HSD17B4: variants seen among roughly 807,000 people sequenced by gnomAD.
HSD17B4 encodes peroxisomal multifunctional enzyme type 2.
Under a neutral mutation model 101.0 loss-of-function variants are expected in HSD17B4, and 70 were observed. The observed-to-expected ratio is 0.69, with a 90% confidence interval of 0.57 to 0.85. The LOEUF is 0.85. Among genes scored for constraint, HSD17B4 ranks in the 40% least tolerant of loss-of-function variants. The pLI, the probability that HSD17B4 is intolerant of heterozygous loss-of-function variation, is 0.00. For synonymous variants in HSD17B4, 347 were observed against 297.1 expected, an observed-to-expected ratio of 1.17 and a Z score of -1.73; for missense variants, 984 against 892.4, an observed-to-expected ratio of 1.10 and a Z score of -1.31.
At chr5:119,521,984 T>A (rs1753154711) in intron 17 of HSD17B4, among the ~76,000 whole-genome samples, 1 of 151,852 alleles carries the variant, frequency 6.6e-6, no homozygotes, top group Non-Finnish European at 1.5e-5. Flanking sequence ...ATGTGCACAA[T>A]GTGCAGGTTT....
chr5:119,520,898 CTTTT>C (rs1008523400), intron 17 of HSD17B4, among the ~76,000 whole-genome samples: 9 of 152,194 alleles, frequency 5.9e-5, no homozygotes, highest in African/African-American at 2.2e-4. Flanking sequence ...GGTTATTTTA[CTTTT>C]TCCCCTCTTA....
At chr5:119,490,717 C>T (rs1038776368) in intron 9 of HSD17B4, among the ~76,000 whole-genome samples, 6 of 152,008 alleles carry the variant, frequency 3.9e-5, no homozygotes, top group Admixed American at 1.3e-4. Flanking sequence ...TACAGGCACC[C>T]ACCACCAAAC....
Position 119,487,541 on chromosome 5 carries a change from G to C in HSD17B4, c.623-1651G>C, listed in dbSNP as rs575895802. On this transcript the variant is annotated intron_variant, in intron 8 of 23. Coordinates refer to ENST00000510025, the MANE Select transcript of HSD17B4 (RefSeq NM_000414.4). ...TTAATAGATGCTGGCTAACCTAGGAGTTTGAGAATGAACTGGAAAGCAAGA... is the reference window on the plus strand; with the variant it reads ...TTAATAGATGCTGGCTAACCTAGGACTTTGAGAATGAACTGGAAAGCAAGA... The C allele has an allele frequency of 6.6e-5, 10 of 152,112 alleles. 1 individual carries two copies. Among genetic ancestry groups the C allele is most frequent in the Admixed American group, 6.5e-4 (10 of 15,270 alleles). 9.4% of individuals were successfully genotyped at this position (152,112 alleles called of 1,614,324 possible).
At chr5:119,498,711 A>G (rs940263287) in intron 12 of HSD17B4, among the ~76,000 whole-genome samples, 3 of 152,110 alleles carry the variant, frequency 2.0e-5, no homozygotes, top group African/African-American at 4.8e-5. Flanking sequence ...CCCTGTCTCT[A>G]CTGAAAATAT....
At chr5:119,529,824 A>G in intron 20 of HSD17B4, 70 bp from the exon 21 acceptor site, 1 of 891,410 alleles carries the variant, frequency 1.1e-6, no homozygotes, top group Admixed American at 1.7e-5. Context: ...TAAACTTTGT[A>G]CTGTTTCACA....
At chr5:119,509,092 T>G (rs867832148) in intron 15 of HSD17B4, 49 bp from the exon 16 acceptor site, 9 of 994,516 alleles carry the variant, frequency 9.0e-6, no homozygotes, top group Middle Eastern at 2.8e-4. Context: ...TAACTAGTTA[T>G]GCCTTTTGGT....
intron 19 of HSD17B4, 61 bp downstream of exon 19, chr5:119,526,084 AAG>A: frequency 1.0e-6 from 1 of 956,586 alleles, no homozygotes; most frequent in Non-Finnish European, 1.7e-6. Flanking sequence ...TAGAGAAGAA[AAG>A]GGGTTTTAGT....
intron 22 of HSD17B4, among the ~76,000 whole-genome samples, chr5:119,533,289 C>CCTTTT (rs1554069199): frequency 3.4e-5 from 5 of 147,672 alleles, no homozygotes; most frequent in East Asian, 4.0e-4. Flanking sequence ...GACAGGATGC[C>CCTTTT]TTTTTTTTTT....
chr5:119,538,745 A>C (rs1388341030), intron 23 of HSD17B4, among the ~76,000 whole-genome samples: 2 of 151,826 alleles, frequency 1.3e-5, no homozygotes, highest in Admixed American at 6.6e-5. Flanking sequence ...ATGTCTATGC[A>C]TTTGCCTTTT....
At chr5:119,460,834 A>G (rs1344518468) in intron 2 of HSD17B4, among the ~76,000 whole-genome samples, 2 of 132,056 alleles carry the variant, frequency 1.5e-5, no homozygotes, top group Non-Finnish European at 3.4e-5. Flanking sequence ...GGAACAGAAA[A>G]TGCTTTAAGG....
chr5:119,461,523 G>C (rs1016520990), intron 2 of HSD17B4, among the ~76,000 whole-genome samples: 2 of 152,110 alleles, frequency 1.3e-5, no homozygotes, highest in Admixed American at 1.3e-4. Flanking sequence ...TTGGTACCTT[G>C]TACTTAGTTA....
At chr5:119,495,072 C>T (rs183508707) in intron 11 of HSD17B4, among the ~76,000 whole-genome samples, 1 of 151,510 alleles carries the variant, frequency 6.6e-6, no homozygotes, top group East Asian at 1.9e-4. Flanking sequence ...ACTTTCCTAC[C>T]TACTGGAATA....
At chr5:119,477,701 T>C in intron 7 of HSD17B4, 200 bp downstream of exon 7, 1 of 566,526 alleles carries the variant, frequency 1.8e-6, no homozygotes, top group Non-Finnish European at 3.2e-6. Context: ...TGGAAAGCTT[T>C]ATATTTATTT....
intron 9 of HSD17B4, 65 bp from the exon 10 acceptor site, chr5:119,492,035 A>G (rs1385263743): frequency 1.3e-5 from 18 of 1,352,346 alleles, no homozygotes; most frequent in Non-Finnish European, 1.9e-5. Flanking sequence ...CTTTTTTCTA[A>G]TTAAAACAAT....
chr5:119,480,311 C>T (rs928592185), intron 8 of HSD17B4, among the ~76,000 whole-genome samples: 6 of 151,850 alleles, frequency 4.0e-5, no homozygotes, highest in Admixed American at 2.0e-4. Flanking sequence ...CCGATAATTA[C>T]GTAGGTTCTT....
At chr5:119,492,044 A>G in intron 9 of HSD17B4, 56 bp from the exon 10 acceptor site, 1 of 1,410,948 alleles carries the variant, frequency 7.1e-7, no homozygotes, top group Non-Finnish European at 1.0e-6. Flanking sequence ...AATTAAAACA[A>G]TTGTATTAGT....
chr5:119,462,248 A>ATTTTTTTTTTTTTTTTTTTTTTTTTTTTT lies in HSD17B4; in HGVS notation c.112+5887_112+5915dup, dbSNP rs10524491. ...TTCATATCCTCCCCCAACAAATGTGATTTTTTTTTTTTTTTTTTTTTTTTT... is the reference window on the plus strand; with the variant it reads ...TTCATATCCTCCCCCAACAAATGTGATTTTTTTTTTTTTTTTTTTTTTTTTTTTTTTTTTTTTTTTTTTTTTTTTTTTTT... On this transcript the variant is annotated intron_variant, in intron 2 of 23. Transcript: ENST00000510025. Among the ~76,000 whole-genome samples, 8 of 30,010 alleles carry ATTTTTTTTTTTTTTTTTTTTTTTTTTTTT rather than the reference A, an allele frequency of 2.7e-4. 3 individuals carry two copies. Among genetic ancestry groups the ATTTTTTTTTTTTTTTTTTTTTTTTTTTTT allele is most frequent in the Non-Finnish European group, 3.2e-4 (4 of 12,648 alleles). 19.7% of individuals were successfully genotyped at this position (30,010 alleles called of 152,430 possible).
chr5:119,453,090 A>G (rs1158348669), intron 1 of HSD17B4, among the ~76,000 whole-genome samples: 1 of 152,222 alleles, frequency 6.6e-6, no homozygotes, highest in East Asian at 1.9e-4. Flanking sequence ...TCGGTCGTTC[A>G]GTGTTTGTTT....
At chr5:119,525,370 C>A in intron 18 of HSD17B4, 85 bp downstream of exon 18, 1 of 842,352 alleles carries the variant, frequency 1.2e-6, no homozygotes. Context: ...CTACTTATGA[C>A]TGGTAGTTTG....
Sources: gnomAD v4.1 joint callset for allele counts (sites outside exome capture counted in the v4.1 genomes callset) on GRCh38, gnomAD v4.1.1 for gene constraint, MANE v1.5 for transcripts, NCBI Gene and HGNC (gene_info 2026-07-23, HGNC 2026-07-21) for gene names.